The following FGF7 variants were observed in gnomAD, a reference collection of about 807,000 sequenced individuals.
FGF7 encodes the protein fibroblast growth factor 7, also known as FGF-7.
Under a neutral mutation model 20.5 loss-of-function variants are expected in FGF7, and 6 were observed. The observed-to-expected ratio is 0.29, with a 90% confidence interval of 0.16 to 0.58. FGF7 has a LOEUF of 0.58. Ranked by LOEUF, FGF7 falls within the 20% of genes least tolerant of loss-of-function variation. The pLI is 0.90. For missense variants in FGF7, 144 were observed against 228.8 expected, an observed-to-expected ratio of 0.63 and a Z score of 2.39; for synonymous variants, 64 against 74.7, an observed-to-expected ratio of 0.86 and a Z score of 0.74.
chr15:49,435,779 A>C (rs2051046805), intron 2 of FGF7, among the ~76,000 whole-genome samples: 1 of 151,610 alleles, frequency 6.6e-6, no homozygotes, highest in Non-Finnish European at 1.5e-5. Flanking sequence ...GTAGTTTATT[A>C]GATATTCAAA....
chr15:49,430,356 A>G (rs1051262639), intron 2 of FGF7, among the ~76,000 whole-genome samples: 14 of 151,758 alleles, frequency 9.2e-5, no homozygotes, highest in African/African-American at 3.4e-4. Flanking sequence ...TAAATGAGCC[A>G]CCTTATGACT....
At chr15:49,449,492 C>T (rs1389542228) in intron 2 of FGF7, among the ~76,000 whole-genome samples, 3 of 151,922 alleles carry the variant, frequency 2.0e-5, no homozygotes, top group Non-Finnish European at 4.4e-5. Flanking sequence ...CTAAGAATAC[C>T]ACCTAAAATA....
intron 2 of FGF7, among the ~76,000 whole-genome samples, chr15:49,453,749 A>G (rs374004374): frequency 2.0e-5 from 3 of 152,284 alleles, no homozygotes; most frequent in East Asian, 3.9e-4. Context: ...TGTTACATGT[A>G]TCTAATGGTC....
chr15:49,425,986 A>T (rs2050096507), intron 2 of FGF7, among the ~76,000 whole-genome samples: 1 of 151,566 alleles, frequency 6.6e-6, no homozygotes, highest in South Asian at 2.1e-4. Flanking sequence ...AGTTGCTCAG[A>T]TTTATCATGG....
intron 2 of FGF7, among the ~76,000 whole-genome samples, chr15:49,440,085 C>T (rs1024086065): frequency 1.8e-4 from 27 of 151,846 alleles, no homozygotes; most frequent in African/African-American, 6.0e-4. Flanking sequence ...AACTGAGTCA[C>T]GAAAAGATAA....
chr15:49,429,624 C>T (rs2050418316), intron 2 of FGF7, among the ~76,000 whole-genome samples: 1 of 151,926 alleles, frequency 6.6e-6, no homozygotes, highest in African/African-American at 2.4e-5. Context: ...ATTTTTCTAT[C>T]TCTCAACCTT....
chr15:49,441,427 T>C (rs981753026), intron 2 of FGF7, among the ~76,000 whole-genome samples: 1 of 151,648 alleles, frequency 6.6e-6, no homozygotes, highest in African/African-American at 2.4e-5. Flanking sequence ...AAAATAAAAA[T>C]AAAATTAGAG....
chr15:49,481,994 G>C (rs1423029985), intron 2 of FGF7, among the ~76,000 whole-genome samples: 1 of 152,054 alleles, frequency 6.6e-6, no homozygotes, highest in African/African-American at 2.4e-5. Context: ...AAATAAATAA[G>C]AGAATGAAGT....
chr15:49,473,035 A>C (rs1254100351), intron 2 of FGF7, among the ~76,000 whole-genome samples: 3 of 152,196 alleles, frequency 2.0e-5, no homozygotes, highest in Non-Finnish European at 4.4e-5. Context: ...TGGACCACTC[A>C]TGTTTCCAAA....
Position 49,468,807 on chromosome 15 carries a change from C to T in FGF7, c.287-14344C>T, listed in dbSNP as rs146255392. ...TCCAGTTAATGGTCCTATCCCAATA[C>T]TAGCACTGACAAAAGAGGTTTGTCT... On this transcript the variant is annotated intron_variant, in intron 2 of 3. Transcript: ENST00000267843. 1.1e-3 allele frequency among the ~76,000 whole-genome samples: 165 copies of T among 152,314 alleles called. 2 individuals carry two copies. Among genetic ancestry groups the T allele is most frequent in the African/African-American group, 3.9e-3 (162 of 41,586 alleles).
intron 2 of FGF7, among the ~76,000 whole-genome samples, chr15:49,467,178 A>G (rs1420528613): frequency 6.6e-6 from 1 of 152,186 alleles, no homozygotes; most frequent in African/African-American, 2.4e-5. Context: ...TGTGTAGTTT[A>G]TCATCTAAGC....
chr15:49,459,825 TC>T (rs2151922391), intron 2 of FGF7, among the ~76,000 whole-genome samples: 1 of 152,266 alleles, frequency 6.6e-6, no homozygotes, highest in East Asian at 1.9e-4. Flanking sequence ...AACTCCACAT[TC>T]ATCTCTTCCC....
chr15:49,424,596 A>T lies in FGF7; in HGVS notation c.286+13A>T. On this transcript the variant is annotated intron_variant, in intron 2 of 3. Transcript: ENST00000267843. ...AAGAATAATTACAGTAAGTAATTTTAAGTACTGCTCATGAACCTTAGCAAT... is the reference window on the plus strand; with the variant it reads ...AAGAATAATTACAGTAAGTAATTTTTAGTACTGCTCATGAACCTTAGCAAT... The T allele has an allele frequency of 5.2e-6, 8 of 1,550,172 alleles. No homozygotes were observed. The highest frequency in any genetic ancestry group is 7.0e-6 in the Non-Finnish European group (8 of 1,145,670).
intron 2 of FGF7, among the ~76,000 whole-genome samples, chr15:49,453,857 C>T (rs2053013320): frequency 1.3e-5 from 2 of 152,140 alleles, no homozygotes; most frequent in Admixed American, 1.3e-4. Flanking sequence ...TTACCTTATA[C>T]ATTTTACATA....
chr15:49,441,091 A>C (rs1020971374), intron 2 of FGF7, among the ~76,000 whole-genome samples: 1 of 151,794 alleles, frequency 6.6e-6, no homozygotes, highest in Non-Finnish European at 1.5e-5. Context: ...TGAGTAAATA[A>C]GATAATTTCC....
intron 2 of FGF7, chr15:49,434,659 G>T (rs970864980): frequency 1.1e-4 from 16 of 151,384 alleles, no homozygotes; most frequent in African/African-American, 3.9e-4. Context: ...CCAAGGTAAA[G>T]GTTTTTTTTC....
chr15:49,429,712 A>C (rs2050425512), intron 2 of FGF7, among the ~76,000 whole-genome samples: 1 of 151,886 alleles, frequency 6.6e-6, no homozygotes, highest in Non-Finnish European at 1.5e-5. Context: ...TTTTTCATTA[A>C]ATTGATCTGA....
intron 2 of FGF7, among the ~76,000 whole-genome samples, chr15:49,437,189 T>C (rs1009630811): frequency 6.6e-6 from 1 of 151,556 alleles, no homozygotes; most frequent in African/African-American, 2.4e-5. Context: ...AAATTGTATA[T>C]ATACAGTTTA....
intron 2 of FGF7, among the ~76,000 whole-genome samples, chr15:49,470,117 C>T (rs986784032): frequency 3.3e-5 from 5 of 151,968 alleles, no homozygotes; most frequent in African/African-American, 9.7e-5. Flanking sequence ...TTGAAGACCA[C>T]GGTATTATGA....
Sources: gnomAD v4.1 joint callset for allele counts (sites outside exome capture counted in the v4.1 genomes callset) on GRCh38, gnomAD v4.1.1 for gene constraint, MANE v1.5 for transcripts, NCBI Gene and HGNC (gene_info 2026-07-23, HGNC 2026-07-21) for gene names.